Variants in KIAA1328 observed in about 807,000 individuals in gnomAD.
KIAA1328 encodes the protein protein hinderin.
KIAA1328 carries 52 observed loss-of-function variants against 68.1 expected under a neutral mutation model. The ratio of observed to expected loss-of-function variants is 0.76; its 90% CI spans 0.61 to 0.96. KIAA1328 has a LOEUF of 0.96. KIAA1328 is among the 40% of genes least tolerant of loss of function. The pLI, the probability that KIAA1328 is intolerant of heterozygous loss-of-function variation, is 0.00. For missense variants in KIAA1328, 641 were observed against 677.6 expected (o/e 0.95, Z 0.60); for synonymous variants, 232 against 239.4 (o/e 0.97, Z 0.28).
At chr18:37,178,509 C>G (rs978835005) in intron 9 of KIAA1328, among the ~76,000 whole-genome samples, 2 of 152,266 alleles carry the variant, frequency 1.3e-5, no homozygotes, top group South Asian at 2.1e-4. Context: ...TAGGTTGATT[C>G]CATATCTTGG....
intron 8 of KIAA1328, among the ~76,000 whole-genome samples, chr18:37,167,988 G>A (rs1244001395): frequency 2.6e-5 from 4 of 152,084 alleles, no homozygotes; most frequent in Middle Eastern, 3.4e-3. Flanking sequence ...CTAGCAAGCC[G>A]AATACAGCAT....
At chr18:36,844,835 C>A (rs2046973857) in intron 4 of KIAA1328, among the ~76,000 whole-genome samples, 1 of 151,680 alleles carries the variant, frequency 6.6e-6, no homozygotes, top group African/African-American at 2.4e-5. Flanking sequence ...GTCAAATATA[C>A]ATGCCCAGTT....
intron 4 of KIAA1328, among the ~76,000 whole-genome samples, chr18:36,878,151 G>A (rs1027352573): frequency 3.3e-5 from 5 of 152,188 alleles, no homozygotes; most frequent in Admixed American, 1.3e-4. Context: ...GAGTTTTGCA[G>A]TGGCTGATAC....
chr18:37,147,787 C>G (rs930275576), intron 7 of KIAA1328, among the ~76,000 whole-genome samples: 1 of 151,920 alleles, frequency 6.6e-6, no homozygotes, highest in African/African-American at 2.4e-5. Flanking sequence ...GTAGTATTGC[C>G]CAATTTGTAG....
intron 5 of KIAA1328, among the ~76,000 whole-genome samples, chr18:36,936,887 C>T (rs1384413133): frequency 4.6e-5 from 7 of 152,122 alleles, no homozygotes; most frequent in Admixed American, 3.9e-4. Flanking sequence ...AAAGAAGACA[C>T]TGTATAGCCA....
intron 7 of KIAA1328, among the ~76,000 whole-genome samples, chr18:37,080,136 TA>T (rs1336371240): frequency 1.3e-5 from 2 of 152,214 alleles, no homozygotes; most frequent in Non-Finnish European, 2.9e-5. Context: ...TTACTTTTTT[TA>T]ACTTCTAAAA....
chr18:36,888,101 A>G (rs1230605630), intron 5 of KIAA1328, among the ~76,000 whole-genome samples: 2 of 152,180 alleles, frequency 1.3e-5, no homozygotes, highest in African/African-American at 4.8e-5. Flanking sequence ...TTCTTTTGTC[A>G]GGCTAAATAT....
intron 7 of KIAA1328, among the ~76,000 whole-genome samples, chr18:37,151,753 C>G (rs918125876): frequency 6.6e-6 from 1 of 152,082 alleles, no homozygotes; most frequent in Non-Finnish European, 1.5e-5. Flanking sequence ...TGATCCCTAC[C>G]TCACATCCTA....
intron 9 of KIAA1328, among the ~76,000 whole-genome samples, chr18:37,193,170 A>G (rs1430143530): frequency 2.0e-5 from 3 of 152,174 alleles, no homozygotes; most frequent in East Asian, 3.9e-4. Context: ...AGTTATTTAT[A>G]TTAATGATAA....
intron 8 of KIAA1328, among the ~76,000 whole-genome samples, chr18:37,160,701 A>G (rs2059261382): frequency 6.6e-6 from 1 of 152,354 alleles, no homozygotes; most frequent in East Asian, 1.9e-4. Context: ...GATATTGAAC[A>G]TAAATCTCTC....
intron 4 of KIAA1328, among the ~76,000 whole-genome samples, chr18:36,859,517 TTCCCTCCC>T (rs547527285): frequency 1.3e-5 from 2 of 151,330 alleles, no homozygotes; most frequent in Non-Finnish European, 3.0e-5. Context: ...CCTTCTTTTC[TTCCCTCCC>T]TCCCTCCCTC....
At chr18:37,215,730 C>T (rs1319385237) in intron 9 of KIAA1328, among the ~76,000 whole-genome samples, 2 of 152,194 alleles carry the variant, frequency 1.3e-5, no homozygotes, top group East Asian at 3.8e-4. Flanking sequence ...ATGGTACCAG[C>T]TCCTCTTTGT....
chr18:36,888,136 A>C (rs1055450973), intron 5 of KIAA1328, among the ~76,000 whole-genome samples: 1 of 152,148 alleles, frequency 6.6e-6, no homozygotes. Flanking sequence ...GATTGCAGTG[A>C]CACTATTTTT....
intron 7 of KIAA1328, among the ~76,000 whole-genome samples, chr18:37,140,859 G>T (rs1272661089): frequency 2.0e-5 from 3 of 152,236 alleles, no homozygotes; most frequent in Middle Eastern, 3.4e-3. Flanking sequence ...TATCTAGACT[G>T]TGTGAACTGA....
At chr18:37,119,849 G>C (rs2058222032) in intron 7 of KIAA1328, among the ~76,000 whole-genome samples, 1 of 152,102 alleles carries the variant, frequency 6.6e-6, no homozygotes, top group African/African-American at 2.4e-5. Context: ...GTCATACCCA[G>C]TTGCAGTGAG....
At chr18:36,830,291 A>G (rs1026427249) in intron 1 of KIAA1328, among the ~76,000 whole-genome samples, 2 of 152,194 alleles carry the variant, frequency 1.3e-5, no homozygotes, top group Non-Finnish European at 2.9e-5. Flanking sequence ...AGACATAATT[A>G]CCATTTGTCT....
intron 8 of KIAA1328, among the ~76,000 whole-genome samples, chr18:37,161,287 G>A (rs1361941972): frequency 1.3e-5 from 2 of 152,132 alleles, no homozygotes; most frequent in East Asian, 1.9e-4. Context: ...GCAGTGCTTT[G>A]TGAGATCTTG....
At chr18:36,894,048 G>A (rs1464705919) in intron 5 of KIAA1328, among the ~76,000 whole-genome samples, 2 of 152,122 alleles carry the variant, frequency 1.3e-5, no homozygotes, top group Non-Finnish European at 2.9e-5. Flanking sequence ...AGGTGAGGCA[G>A]ATACTCTTCT....
chr18:36,935,573 G>C (rs919568559), intron 5 of KIAA1328, among the ~76,000 whole-genome samples: 1 of 152,098 alleles, frequency 6.6e-6, no homozygotes, highest in Non-Finnish European at 1.5e-5. Flanking sequence ...ATTAGTCTTT[G>C]TTTCACTCTT....
Sources: gnomAD v4.1 joint callset for allele counts (sites outside exome capture counted in the v4.1 genomes callset) on GRCh38, gnomAD v4.1.1 for gene constraint, MANE v1.5 for transcripts, NCBI Gene and HGNC (gene_info 2026-07-23, HGNC 2026-07-21) for gene names.